PCBP3: variants seen among roughly 807,000 people sequenced by gnomAD.
PCBP3 encodes the protein poly(rC) binding protein 3, also known as poly(rC)-binding protein 3.
Under a neutral mutation model 52.7 loss-of-function variants are expected in PCBP3, and 25 were observed. That is an observed-to-expected ratio of 0.47 (90% CI 0.35 to 0.66). PCBP3 has a LOEUF of 0.66. PCBP3 is among the 30% of genes least tolerant of loss of function. The pLI, the probability that PCBP3 is intolerant of heterozygous loss-of-function variation, is 0.01. For synonymous variants in PCBP3, 162 were observed against 183.0 expected, an observed-to-expected ratio of 0.89 and a Z score of 0.93; for missense variants, 391 against 490.3, an observed-to-expected ratio of 0.80 and a Z score of 1.91.
chr21:45,803,676 C>G (rs2092391678), intron 4 of PCBP3, among the ~76,000 whole-genome samples: 4 of 152,198 alleles, frequency 2.6e-5, no homozygotes, highest in Admixed American at 2.6e-4. Context: ...CCCCAGGGTC[C>G]CTGGGCACTG....
chr21:45,703,673 G>C (rs971660587), intron 2 of PCBP3, among the ~76,000 whole-genome samples: 1 of 152,176 alleles, frequency 6.6e-6, no homozygotes, highest in Admixed American at 6.5e-5. Context: ...TGTGCCTGCT[G>C]TTTCGGGGGG....
In PCBP3 at chr21:45,655,350, G is replaced by GT. The variant is rs1603127318; in HGVS notation, c.-279+11483dup. On this transcript the variant is annotated intron_variant, in intron 1 of 17. Coordinates refer to ENST00000681687, the MANE Select transcript of PCBP3 (RefSeq NM_001384156.1). ...TGTAAAATTCCAAACAATTTGGAAT[G>GT]TAAAATGCTGCACCATTTTATATTC... Among the ~76,000 whole-genome samples, 7 of 152,022 alleles carry GT rather than the reference G, an allele frequency of 4.6e-5. No individual in the cohort carries two copies. The East Asian group carries it at 1.4e-3, about 29-fold the overall frequency.
intron 5 of PCBP3, among the ~76,000 whole-genome samples, chr21:45,867,907 G>A (rs2094812486): frequency 6.6e-6 from 1 of 152,278 alleles, no homozygotes; most frequent in South Asian, 2.1e-4. Flanking sequence ...GGAACCCAGC[G>A]CCGTCGCACA....
rs142677634 is a variant in PCBP3 at position 45,704,617 on chromosome 21, A to G, written c.-199-30775A>G. ...TAAAACATTGTCTAAGTGAAGGGCA[A>G]TCGTATTTGAAGTAATTTGAAGATT... On this transcript the variant is annotated intron_variant, in intron 2 of 17. Transcript: ENST00000681687. The surrounding 1 kb of genome is among the most constrained non-coding windows in gnomAD (Gnocchi z 4.1). Among the ~76,000 whole-genome samples the G allele has an allele frequency of 9.3e-4, 141 of 152,234 alleles. No homozygotes were observed. Among genetic ancestry groups the G allele is most frequent in the African/African-American group, 1.3e-3 (54 of 41,528 alleles).
At chr21:45,756,073 T>C (rs1385242636) in intron 4 of PCBP3, among the ~76,000 whole-genome samples, 2 of 152,256 alleles carry the variant, frequency 1.3e-5, no homozygotes, top group Non-Finnish European at 2.9e-5. Flanking sequence ...ATTAGGTCTC[T>C]GATCTATTCC....
intron 4 of PCBP3, among the ~76,000 whole-genome samples, chr21:45,814,585 A>AGTGG (rs2092787366): frequency 3.1e-5 from 3 of 97,422 alleles, no homozygotes; most frequent in African/African-American, 4.1e-5. Context: ...GTGGTGAGTG[A>AGTGG]TGAGTGGTGA....
At chr21:45,806,747 A>T (rs1239332969) in intron 4 of PCBP3, among the ~76,000 whole-genome samples, 1 of 152,000 alleles carries the variant, frequency 6.6e-6, no homozygotes, top group Non-Finnish European at 1.5e-5. Flanking sequence ...CACCCCACGG[A>T]ACATCTCTTT....
chr21:45,889,929 C>T (rs545937674), intron 5 of PCBP3, among the ~76,000 whole-genome samples: 4 of 152,270 alleles, frequency 2.6e-5, no homozygotes, highest in African/African-American at 9.6e-5. Context: ...AGCTCCGAGA[C>T]GGAGGCCTGT....
intron 13 of PCBP3, among the ~76,000 whole-genome samples, chr21:45,926,853 C>G (rs560046480): frequency 1.1e-3 from 169 of 152,326 alleles, no homozygotes; most frequent in Middle Eastern, 6.8e-3. Context: ...AAGGAAAATA[C>G]TGGTGAGTTC....
chr21:45,782,483 G>T (rs192328584), intron 4 of PCBP3, among the ~76,000 whole-genome samples: 343 of 152,322 alleles, frequency 2.3e-3, no homozygotes, highest in South Asian at 9.3e-3. Context: ...GTTCAGTGCA[G>T]TCAGTCTGTG....
intron 9 of PCBP3, 101 bp from the exon 10 acceptor site, chr21:45,909,254 G>T (rs1370505391): frequency 3.9e-6 from 5 of 1,284,672 alleles, no homozygotes; most frequent in Non-Finnish European, 5.4e-6. Flanking sequence ...CAGGGGCTCT[G>T]TGGGCTTCTG....
chr21:45,845,450 T>G (rs189117673), intron 4 of PCBP3, among the ~76,000 whole-genome samples: 30 of 147,954 alleles, frequency 2.0e-4, no homozygotes, highest in African/African-American at 7.1e-4. Context: ...TCCACACGTG[T>G]GAGTGTGTGC....
At chr21:45,878,857 G>A (rs1181409936) in intron 5 of PCBP3, among the ~76,000 whole-genome samples, 1 of 152,176 alleles carries the variant, frequency 6.6e-6, no homozygotes, top group Non-Finnish European at 1.5e-5. Flanking sequence ...ACCAACCTGG[G>A]ATCCTTCCTG....
At chr21:45,690,960 T>C (rs2082425539) in intron 2 of PCBP3, among the ~76,000 whole-genome samples, 1 of 152,106 alleles carries the variant, frequency 6.6e-6, no homozygotes. Flanking sequence ...CAGATCCTTA[T>C]AAAGCTAAAT....
At chr21:45,931,994 C>G (rs1304196743) in intron 15 of PCBP3, among the ~76,000 whole-genome samples, 1 of 151,684 alleles carries the variant, frequency 6.6e-6, no homozygotes, top group Non-Finnish European at 1.5e-5. Flanking sequence ...CCATGCTGTC[C>G]CGAGATGAAT....
At chr21:45,715,602 A>T (rs1487469541) in intron 2 of PCBP3, among the ~76,000 whole-genome samples, 1 of 152,166 alleles carries the variant, frequency 6.6e-6, no homozygotes, top group Non-Finnish European at 1.5e-5. Context: ...TCCTGCCAGC[A>T]ATTTATGAGT....
rs967075914 is a variant in PCBP3 at position 45,837,926 on chromosome 21, G to A, written c.-125-12035G>A. ...CAGTACACATTAGGGGCTGCAGAACGGTGATTTTCTAATTGTGTTGTTCTT... is the reference window on the plus strand; with the variant it reads ...CAGTACACATTAGGGGCTGCAGAACAGTGATTTTCTAATTGTGTTGTTCTT... On this transcript the variant is annotated intron_variant, in intron 4 of 17. Coordinates refer to ENST00000681687, the MANE Select transcript of PCBP3 (RefSeq NM_001384156.1). The surrounding 1 kb of genome is among the most constrained non-coding windows in gnomAD (Gnocchi z 4.1). Among the ~76,000 whole-genome samples the A allele has an allele frequency of 2.0e-5, 3 of 152,188 alleles. No individual in the cohort carries two copies. The highest frequency in any genetic ancestry group is 1.3e-4 in the Admixed American group (2 of 15,276).
intron 5 of PCBP3, among the ~76,000 whole-genome samples, chr21:45,885,121 C>A (rs1322610085): frequency 2.6e-5 from 4 of 152,194 alleles, no homozygotes; most frequent in Non-Finnish European, 4.4e-5. Context: ...CTTCATTTTC[C>A]TTCATCCCAT....
chr21:45,686,025 T>G (rs1426444653), intron 2 of PCBP3, among the ~76,000 whole-genome samples: 2 of 151,656 alleles, frequency 1.3e-5, no homozygotes, highest in African/African-American at 4.9e-5. Context: ...TTCAAGTGAT[T>G]CTCCTGCCTC....
Sources: gnomAD v4.1 joint callset for allele counts (sites outside exome capture counted in the v4.1 genomes callset) on GRCh38, gnomAD v4.1.1 for gene constraint, Gnocchi (gnomAD v3.1) non-coding constraint, MANE v1.5 for transcripts, NCBI Gene and HGNC (gene_info 2026-07-23, HGNC 2026-07-21) for gene names.